ELP3: variants seen among roughly 807,000 people sequenced by gnomAD.
ELP3 encodes elongator acetyltransferase complex subunit 3.
Under a neutral mutation model 74.9 loss-of-function variants are expected in ELP3, and 56 were observed. The observed-to-expected ratio is 0.75, with a 90% CI of 0.60 to 0.93. The LOEUF (loss-of-function observed/expected upper bound fraction) is 0.93. Ranked by LOEUF, ELP3 falls within the 40% of genes least tolerant of loss-of-function variation. The probability of loss-of-function intolerance (pLI) is 0.00; values close to 1 mark genes in which losing one functional copy is unlikely to be tolerated. For synonymous variants in ELP3, 222 were observed against 239.8 expected, an observed-to-expected ratio of 0.93 and a Z score of 0.68; for missense variants, 573 against 686.5, an observed-to-expected ratio of 0.83 and a Z score of 1.85.
At chr8:28,155,106 A>C (rs1202244829) in intron 10 of ELP3, among the ~76,000 whole-genome samples, 1 of 152,270 alleles carries the variant, frequency 6.6e-6, no homozygotes, top group Non-Finnish European at 1.5e-5. Context: ...TTCAAAAGCA[A>C]AATGAGAAGA....
chr8:28,189,168 C>T (rs1815357209), intron 14 of ELP3, among the ~76,000 whole-genome samples: 1 of 152,236 alleles, frequency 6.6e-6, no homozygotes, highest in South Asian at 2.1e-4. Context: ...AGTGTACCTT[C>T]GCTACTGGGG....
At chr8:28,110,745 G>T in intron 6 of ELP3, 1 of 263,644 alleles carries the variant, frequency 3.8e-6, no homozygotes, top group Non-Finnish European at 7.2e-6. Context: ...CTTAGACAAT[G>T]GGTGGGTGTG....
At chr8:28,150,703 G>A (rs189339267) in intron 10 of ELP3, among the ~76,000 whole-genome samples, 10 of 152,014 alleles carry the variant, frequency 6.6e-5, no homozygotes, top group African/African-American at 2.4e-4. Context: ...AGGTTTTGGG[G>A]GCATTTATCC....
chr8:28,145,385 A>G (rs977641522), intron 10 of ELP3, among the ~76,000 whole-genome samples: 1 of 152,258 alleles, frequency 6.6e-6, no homozygotes, highest in African/African-American at 2.4e-5. Flanking sequence ...AACCACTGGC[A>G]AAGGAGAAAA....
chr8:28,100,043 G>A (rs770105730), intron 3 of ELP3, 77 bp downstream of exon 3: 20 of 1,577,268 alleles, frequency 1.3e-5, no homozygotes, highest in African/African-American at 6.7e-5. Context: ...TGTGACGCCC[G>A]TGTAGTGAGG....
At chr8:28,102,228 T>C (rs1210240059) in intron 3 of ELP3, among the ~76,000 whole-genome samples, 1 of 152,174 alleles carries the variant, frequency 6.6e-6, no homozygotes, top group African/African-American at 2.4e-5. Flanking sequence ...TAGGCATCTG[T>C]CCTTTGACTG....
At position 28,189,850 on chromosome 8, in the gene ELP3, T is replaced by C; in HGVS notation, c.*125T>C. 9.6e-7 allele frequency: 1 copy of C among 1,039,028 alleles called. No individual in the cohort carries two copies. The highest frequency in any genetic ancestry group is 1.5e-5 in the South Asian group (1 of 67,000). The allele number at this position is 1,039,028 out of a possible 1,614,324, so 64.4% of individuals were successfully genotyped here. A position where few individuals can be genotyped will look rare whatever the true frequency, so the allele number is the denominator to read the frequency against. ...GGGGGCTTCACCCTCATCCCGCAGCTGCAGAGACTGGAAACTGCCTTCAAG... is the reference window on the plus strand; with the variant it reads ...GGGGGCTTCACCCTCATCCCGCAGCCGCAGAGACTGGAAACTGCCTTCAAG... On this transcript the variant is annotated 3_prime_UTR_variant, in exon 15 of 15. Transcript: ENST00000256398.
At chr8:28,180,120 G>A (rs1814942767) in intron 14 of ELP3, among the ~76,000 whole-genome samples, 1 of 152,096 alleles carries the variant, frequency 6.6e-6, no homozygotes, top group Non-Finnish European at 1.5e-5. Context: ...TTCTAGGTAT[G>A]GATTTCCCGT....
chr8:28,151,360 G>A (rs760822682), intron 10 of ELP3, among the ~76,000 whole-genome samples: 12 of 151,874 alleles, frequency 7.9e-5, no homozygotes, highest in Non-Finnish European at 1.2e-4. Flanking sequence ...TACCTTTTCC[G>A]TCAGAGCCTT....
intron 2 of ELP3, 64 bp downstream of exon 2, chr8:28,097,382 C>G (rs1268299914): frequency 1.2e-5 from 12 of 1,040,048 alleles, no homozygotes; most frequent in Non-Finnish European, 1.6e-5. Flanking sequence ...ATGAAATTAT[C>G]TAGTACTACT....
chr8:28,133,773 G>A (rs1812872299), intron 9 of ELP3, among the ~76,000 whole-genome samples: 1 of 152,052 alleles, frequency 6.6e-6, no homozygotes, highest in South Asian at 2.1e-4. Flanking sequence ...TTAAGCTGGT[G>A]AACTGCACCT....
At chr8:28,153,560 A>G (rs1049592464) in intron 10 of ELP3, among the ~76,000 whole-genome samples, 2 of 152,262 alleles carry the variant, frequency 1.3e-5, no homozygotes, top group Middle Eastern at 3.4e-3. Context: ...GGAAGGGGCA[A>G]TAGGATAAGA....
At chr8:28,108,815 G>A (rs1297458074) in intron 5 of ELP3, among the ~76,000 whole-genome samples, 1 of 152,116 alleles carries the variant, frequency 6.6e-6, no homozygotes, top group African/African-American at 2.4e-5. Flanking sequence ...AAAGTATCAG[G>A]CACTCAAAAA....
chr8:28,130,481 G>A (rs565111311), intron 8 of ELP3, among the ~76,000 whole-genome samples: 10 of 152,342 alleles, frequency 6.6e-5, no homozygotes, highest in Non-Finnish European at 1.2e-4. Context: ...CCAGGCCGAG[G>A]AGGATGGAAT....
chr8:28,157,849 C>G (rs1813894174), intron 11 of ELP3, among the ~76,000 whole-genome samples: 2 of 152,122 alleles, frequency 1.3e-5, no homozygotes, highest in Non-Finnish European at 2.9e-5. Context: ...GATGCTTGGC[C>G]ATGCAGACCA....
intron 11 of ELP3, among the ~76,000 whole-genome samples, chr8:28,157,306 CAG>C (rs1228019802): frequency 1.9e-5 from 2 of 106,592 alleles, no homozygotes; most frequent in Non-Finnish European, 3.9e-5. Context: ...AAAAAAAAAA[CAG>C]AAACAGCATG....
chr8:28,112,990 A>G (rs377349779), intron 6 of ELP3, 29 bp from the exon 7 acceptor site: 19 of 1,604,726 alleles, frequency 1.2e-5, no homozygotes, highest in Non-Finnish European at 1.4e-5. Context: ...TGCTTATATC[A>G]TTCTAATGCT....
chr8:28,156,232 T>C (rs1813823283), intron 11 of ELP3, among the ~76,000 whole-genome samples, 200 bp downstream of exon 11: 1 of 152,218 alleles, frequency 6.6e-6, no homozygotes, highest in South Asian at 2.1e-4. Context: ...CTTCATTCCC[T>C]TCTGCTTTCT....
At chr8:28,125,389 C>A (rs1253883218) in intron 7 of ELP3, among the ~76,000 whole-genome samples, 1 of 152,196 alleles carries the variant, frequency 6.6e-6, no homozygotes, top group Non-Finnish European at 1.5e-5. Context: ...GCCTTGAGTT[C>A]TTGTGAGAGT....
Sources: allele counts gnomAD v4.1 joint callset (sites outside exome capture counted in the v4.1 genomes callset), GRCh38; gene constraint gnomAD v4.1.1; transcripts MANE v1.5; gene names NCBI Gene and HGNC (gene_info 2026-07-23, HGNC 2026-07-21).